The following JMJD1C variants were observed in gnomAD, a reference collection of about 807,000 sequenced individuals.
The protein encoded by JMJD1C is jumonji domain-containing protein 1C.
JMJD1C carries 31 observed loss-of-function variants against 245.3 expected under a neutral mutation model. The observed-to-expected ratio is 0.13, with a 90% CI of 0.09 to 0.17. JMJD1C has a LOEUF of 0.17. JMJD1C is among the 10% of genes least tolerant of loss of function. The pLI is 1.00. For synonymous variants in JMJD1C, 1,057 were observed against 1,017.4 expected (o/e 1.04, Z -0.74); for missense variants, 2,691 against 3,000.2 (o/e 0.90, Z 2.41).
chr10:63,302,838 T>C (rs1300842553), intron 2 of JMJD1C, among the ~76,000 whole-genome samples: 1 of 152,176 alleles, frequency 6.6e-6, no homozygotes, highest in Non-Finnish European at 1.5e-5. Context: ...AATCAAATAA[T>C]AATTACACTT....
At chr10:63,259,141 T>C (rs1203460458) in intron 3 of JMJD1C, among the ~76,000 whole-genome samples, 1 of 152,204 alleles carries the variant, frequency 6.6e-6, no homozygotes, top group Non-Finnish European at 1.5e-5. Context: ...GTTTACTTCT[T>C]TCTGTAAACT....
chr10:63,453,090 CAG>C (rs1952172305), intron 1 of JMJD1C, among the ~76,000 whole-genome samples: 1 of 152,082 alleles, frequency 6.6e-6, no homozygotes, highest in Non-Finnish European at 1.5e-5. Flanking sequence ...GCCTGGCAAA[CAG>C]AGCAAAACCC....
chr10:63,223,036 TC>T lies in JMJD1C; in HGVS notation c.448-3054del. ...ATAACAATACTATTAAAGTATTTTT[TC>T]CTGGAATATAATTGGTATATGTCTT... On this transcript the variant is annotated intron_variant, in intron 3 of 25. Coordinates refer to ENST00000399262, the MANE Select transcript of JMJD1C (RefSeq NM_032776.3). 7.8e-6 allele frequency: 10 copies of T among 1,289,624 alleles called. No individual in the cohort carries two copies. In the South Asian group the frequency reaches 1.3e-4, roughly 16 times the overall value. 79.9% of individuals were successfully genotyped at this position (1,289,624 alleles called of 1,614,324 possible).
intron 3 of JMJD1C, among the ~76,000 whole-genome samples, chr10:63,233,828 C>G (rs527401658): frequency 1.3e-5 from 2 of 151,510 alleles, no homozygotes; most frequent in Admixed American, 1.3e-4. Context: ...ATTTCTTTAG[C>G]TGAGTTATGA....
chr10:63,521,269 G>C (rs1298397416), intron 1 of JMJD1C: 1 of 150,192 alleles, frequency 6.7e-6, no homozygotes, highest in Non-Finnish European at 1.5e-5. Context: ...CCGGGCCAAC[G>C]CGCCGCCGCC....
chr10:63,368,705 G>A (rs1197470079), intron 2 of JMJD1C, among the ~76,000 whole-genome samples: 1 of 151,858 alleles, frequency 6.6e-6, no homozygotes, highest in Non-Finnish European at 1.5e-5. Flanking sequence ...GTTTTGTTTT[G>A]AGACAGAGTC....
rs377544844 is a variant in JMJD1C at position 63,465,747 on chromosome 10, G to C, written c.-85C>G. On this transcript the variant is annotated 5_prime_UTR_variant, in exon 1 of 26. Coordinates refer to ENST00000399262, the MANE Select transcript of JMJD1C (RefSeq NM_032776.3). ...ACTCCTACCGGCCGCTCATGCTGAGGAGAGCGGACCGGGACACAGCAGCGG... is the reference window on the plus strand; with the variant it reads ...ACTCCTACCGGCCGCTCATGCTGAGCAGAGCGGACCGGGACACAGCAGCGG... 14 of 1,494,364 alleles carry C rather than the reference G, an allele frequency of 9.4e-6. No individual in the cohort carries two copies. Among genetic ancestry groups the C allele is most frequent in the Non-Finnish European group, 1.3e-5 (14 of 1,091,790 alleles). 92.6% of individuals were successfully genotyped at this position (1,494,364 alleles called of 1,614,324 possible).
intron 2 of JMJD1C, among the ~76,000 whole-genome samples, chr10:63,268,385 C>A (rs1410188193): frequency 6.6e-6 from 1 of 152,034 alleles, no homozygotes; most frequent in Non-Finnish European, 1.5e-5. Flanking sequence ...ACAAATACCC[C>A]CACTTTCCTT....
chr10:63,183,658 A>G (rs1417059321), intron 21 of JMJD1C, 89 bp from the exon 22 acceptor site: 3 of 715,934 alleles, frequency 4.2e-6, no homozygotes, highest in East Asian at 6.3e-5. Context: ...CTCGATCTGC[A>G]TAATTTAATT....
intron 3 of JMJD1C, among the ~76,000 whole-genome samples, chr10:63,249,472 G>C (rs1025439844): frequency 6.6e-6 from 1 of 152,158 alleles, no homozygotes; most frequent in African/African-American, 2.4e-5. Context: ...TAAGACCTAT[G>C]GTTTATAGAT....
At chr10:63,233,866 A>T (rs1041350544) in intron 3 of JMJD1C, among the ~76,000 whole-genome samples, 16 of 151,616 alleles carry the variant, frequency 1.1e-4, no homozygotes, top group Middle Eastern at 3.2e-3. Context: ...GCTTTTATGT[A>T]TTTTTCTGGA....
intron 2 of JMJD1C, among the ~76,000 whole-genome samples, chr10:63,349,099 T>TCAA (rs1229373730): frequency 4.6e-4 from 2 of 4,354 alleles, no homozygotes; most frequent in Non-Finnish European, 8.4e-4. Context: ...AGACTCTGTC[T>TCAA]CAAAAAAAAA....
intron 2 of JMJD1C, among the ~76,000 whole-genome samples, chr10:63,338,759 C>T (rs1943100340): frequency 1.3e-5 from 2 of 150,774 alleles, no homozygotes; most frequent in Admixed American, 1.3e-4. Context: ...AGCGATCCTC[C>T]TACCTCAGCC....
At position 63,380,413 on chromosome 10, in the gene JMJD1C, T is replaced by A. The variant is rs377459705; in HGVS notation, c.238A>T (p.Thr80Ser). 3.6e-5 allele frequency: 58 copies of A among 1,613,762 alleles called. No individual in the cohort carries two copies. The highest frequency in any genetic ancestry group is 4.8e-5 in the Non-Finnish European group (57 of 1,179,876). Residue 80 changes from threonine (T) to serine (S), a missense_variant, in exon 2 of 26, where the codon ACT (threonine) becomes TCT (serine). Around this residue, in one of 9 missense-constraint regions of JMJD1C, gnomAD observed 135 missense variants for 115.5 expected, o/e 1.17. Coordinates refer to ENST00000399262, the MANE Select transcript of JMJD1C (RefSeq NM_032776.3). ...EWVKVYEDFSTFLVEYHLIWA... is the reference protein window; with the variant it reads ...EWVKVYEDFSSFLVEYHLIWA... Reference sequence around the variant, plus strand: ...ATTAAGTGGTATTCCACCAAGAAAGTTGAAAAATCTTCATAAACTTTAACC... The same window carrying A: ...ATTAAGTGGTATTCCACCAAGAAAGATGAAAAATCTTCATAAACTTTAACC...
intron 1 of JMJD1C, among the ~76,000 whole-genome samples, chr10:63,498,884 C>T (rs1589830735): frequency 6.6e-6 from 1 of 152,050 alleles, no homozygotes; most frequent in South Asian, 2.1e-4. Context: ...TCTGAAATTC[C>T]ACCTCCCATG....
At chr10:63,347,390 TG>T (rs1468095264) in intron 2 of JMJD1C, among the ~76,000 whole-genome samples, 1 of 150,258 alleles carries the variant, frequency 6.7e-6, no homozygotes, top group Non-Finnish European at 1.5e-5. Flanking sequence ...CAGACCAGCC[TG>T]CCCAGCATGG....
rs954331819 is a variant in JMJD1C at position 63,453,471 on chromosome 10, A to G, written c.168+12024T>C. 5.3e-5 allele frequency among the ~76,000 whole-genome samples: 8 copies of G among 152,368 alleles called. No homozygotes were observed. The East Asian group carries it at 1.5e-3, about 29-fold the overall frequency. ...TACAAGAAACAGAAAGATATATGGA[A>G]TATAACAGATAGTCCACAAATATTC... On this transcript the variant is annotated intron_variant, in intron 1 of 25. Coordinates refer to ENST00000399262, the MANE Select transcript of JMJD1C (RefSeq NM_032776.3).
intron 1 of JMJD1C, among the ~76,000 whole-genome samples, chr10:63,430,420 T>C (rs1351401932): frequency 1.3e-5 from 2 of 152,196 alleles, no homozygotes; most frequent in Admixed American, 6.5e-5. Flanking sequence ...GATAAGGAAG[T>C]TGTCTTAACA....
Position 63,207,608 on chromosome 10 carries a change from A to G in JMJD1C, c.4061T>C (p.Ile1354Thr), listed in dbSNP as rs774811837. Residue 1354 changes from isoleucine to threonine, a missense_variant, in exon 10 of 26, where the codon ATC (isoleucine) becomes ACC (threonine). Physicochemically the swap from Ile to Thr is moderately conservative, Grantham distance 89. Around this residue, in one of 9 missense-constraint regions of JMJD1C, gnomAD observed 1,562 missense variants for 1,490.7 expected, o/e 1.05. Coordinates refer to ENST00000399262, the MANE Select transcript of JMJD1C (RefSeq NM_032776.3). Reference sequence around the variant, plus strand: ...GTCTGAATTCACATTTGGCAAAATGATTCTTCCAGTTTCTCCGGCTTCTGC... The same window carrying G: ...GTCTGAATTCACATTTGGCAAAATGGTTCTTCCAGTTTCTCCGGCTTCTGC... The part of the protein sequence containing the change: ...KLAEAGETGR[I>T]ILPNVNSDSV... The G allele has an allele frequency of 4.1e-5, 66 of 1,613,988 alleles. No homozygotes were observed. Among genetic ancestry groups the G allele is most frequent in the Non-Finnish European group, 3.8e-5 (45 of 1,180,032 alleles).
Sources: allele counts gnomAD v4.1 joint callset (sites outside exome capture counted in the v4.1 genomes callset), GRCh38; gene constraint gnomAD v4.1.1; regional missense constraint gnomAD v4.1.1; transcripts MANE v1.5; gene names NCBI Gene and HGNC (gene_info 2026-07-23, HGNC 2026-07-21).